The following POT1 variants were observed in gnomAD, a reference collection of about 807,000 sequenced individuals.
POT1 encodes the protein protection of telomeres 1, also known as protection of telomeres protein 1.
Under a neutral mutation model 78.5 loss-of-function variants are expected in POT1, and 47 were observed. The observed-to-expected ratio is 0.60, with a 90% CI of 0.47 to 0.76. POT1 has a LOEUF of 0.76. Ranked by LOEUF, POT1 falls within the 30% of genes least tolerant of loss-of-function variation. The pLI, the probability that POT1 is intolerant of heterozygous loss-of-function variation, is 0.00. For synonymous variants in POT1, 259 were observed against 260.7 expected (o/e 0.99, Z 0.06); for missense variants, 646 against 749.9 (o/e 0.86, Z 1.62).
At chr7:124,866,158 T>A (rs911642384) in intron 7 of POT1, among the ~76,000 whole-genome samples, 1 of 152,164 alleles carries the variant, frequency 6.6e-6, no homozygotes, top group Admixed American at 6.6e-5. Context: ...AAGCCCATGA[T>A]GTTTCCCAAA....
intron 7 of POT1, among the ~76,000 whole-genome samples, chr7:124,868,022 A>G (rs1381480004): frequency 6.6e-6 from 1 of 152,206 alleles, no homozygotes; most frequent in Non-Finnish European, 1.5e-5. Flanking sequence ...CTTTGCATTA[A>G]AACAGATGCC....
At chr7:124,835,513 G>C in intron 14 of POT1, 99 bp from the exon 15 acceptor site, 1 of 1,266,496 alleles carries the variant, frequency 7.9e-7, no homozygotes. Context: ...AAGACTAAAG[G>C]AATTGACAGA....
intron 15 of POT1, among the ~76,000 whole-genome samples, chr7:124,832,898 G>A (rs1378659291): frequency 6.6e-6 from 1 of 151,676 alleles, no homozygotes; most frequent in Non-Finnish European, 1.5e-5. Flanking sequence ...GTATTTCAGA[G>A]TTTAAAATGA....
intron 2 of POT1, among the ~76,000 whole-genome samples, chr7:124,919,090 A>G (rs1381022775): frequency 6.6e-6 from 1 of 152,192 alleles, no homozygotes; most frequent in African/African-American, 2.4e-5. Context: ...CCTACTATAC[A>G]CCGAGGCTAT....
At chr7:124,828,613 C>T (rs573630772) in intron 16 of POT1, among the ~76,000 whole-genome samples, 1 of 152,166 alleles carries the variant, frequency 6.6e-6, no homozygotes, top group South Asian at 2.1e-4. Context: ...GAAAGATGAA[C>T]TTAGCACCTA....
At chr7:124,840,800 G>T in intron 14 of POT1, 173 bp downstream of exon 14, 1 of 462,008 alleles carries the variant, frequency 2.2e-6, no homozygotes, top group Non-Finnish European at 3.8e-6. Context: ...ATTTATGAAC[G>T]TGTGCTTATA....
At chr7:124,901,989 A>G (rs1315212708) in intron 3 of POT1, among the ~76,000 whole-genome samples, 1 of 152,182 alleles carries the variant, frequency 6.6e-6, no homozygotes, top group African/African-American at 2.4e-5. Context: ...AAGAGTAAAA[A>G]GAAATGAACA....
At chr7:124,854,796 TA>T (rs1795403265) in intron 9 of POT1, among the ~76,000 whole-genome samples, 1 of 151,790 alleles carries the variant, frequency 6.6e-6, no homozygotes, top group Non-Finnish European at 1.5e-5. Flanking sequence ...GGAAAAAACA[TA>T]AAATTTTCTA....
At chr7:124,883,002 G>C (rs1440394167) in intron 6 of POT1, among the ~76,000 whole-genome samples, 2 of 151,998 alleles carry the variant, frequency 1.3e-5, no homozygotes, top group Non-Finnish European at 2.9e-5. Context: ...GTATAAGTAA[G>C]CTGAAGAGGG....
intron 6 of POT1, among the ~76,000 whole-genome samples, chr7:124,888,352 T>C (rs917253387): frequency 6.6e-6 from 1 of 152,148 alleles, no homozygotes; most frequent in African/African-American, 2.4e-5. Flanking sequence ...AGTACCATAC[T>C]GTCGCAATAC....
intron 6 of POT1, among the ~76,000 whole-genome samples, chr7:124,882,238 C>T: frequency 6.6e-6 from 1 of 151,996 alleles, no homozygotes; most frequent in African/African-American, 2.4e-5. Flanking sequence ...TCTACTAAAA[C>T]ACTGCTGTTT....
rs1562993530 is a variant in POT1, at chr7:124,863,643, AAG to A, written c.256-5_256-4del. On this transcript the variant is annotated splice_polypyrimidine_tract_variant and splice_region_variant and intron_variant, in intron 7 of 18. Transcript: ENST00000357628. ...GTCTCCTTTTTATATACTTGAATCT[AAG>A]AAAGTAGGGCAAAGTAGAAAACAGA... The A allele has an allele frequency of 6.2e-7, 1 of 1,602,962 alleles. No homozygotes were observed. Among genetic ancestry groups the A allele is most frequent in the East Asian group, 2.2e-5 (1 of 44,844 alleles).
chr7:124,906,604 G>A lies in POT1; in HGVS notation c.-153-8230C>T, dbSNP rs574660330. 1.8e-4 allele frequency among the ~76,000 whole-genome samples: 28 copies of A among 151,532 alleles called. No individual in the cohort carries two copies. The South Asian group carries it at 4.0e-3, about 22-fold the overall frequency. Reference sequence around the variant, plus strand: ...GTATACATATGTAACAAAACTGCACGGTGTGCACATGTACCCTAGAACTTA... The same window carrying A: ...GTATACATATGTAACAAAACTGCACAGTGTGCACATGTACCCTAGAACTTA... On this transcript the variant is annotated intron_variant, in intron 3 of 18. Transcript: ENST00000357628.
chr7:124,829,371 ATATT>A (rs1435772583), intron 15 of POT1, 29 bp from the exon 16 acceptor site: 2 of 1,352,930 alleles, frequency 1.5e-6, no homozygotes, highest in Non-Finnish European at 2.1e-6. Flanking sequence ...AGAACCATAA[ATATT>A]TAAAAATAAT....
chr7:124,846,630 T>G (rs1355668704), intron 12 of POT1, among the ~76,000 whole-genome samples: 1 of 148,986 alleles, frequency 6.7e-6, no homozygotes, highest in East Asian at 2.0e-4. Flanking sequence ...ACATTTTAAG[T>G]CATGTAACTC....
chr7:124,885,044 T>C (rs1796210470), intron 6 of POT1, among the ~76,000 whole-genome samples: 1 of 152,006 alleles, frequency 6.6e-6, no homozygotes. Context: ...AAAGCAAAAG[T>C]ATAGGTAAGG....
At chr7:124,870,008 G>A (rs941200001) in intron 7 of POT1, among the ~76,000 whole-genome samples, 2 of 152,048 alleles carry the variant, frequency 1.3e-5, no homozygotes, top group African/African-American at 2.4e-5. Flanking sequence ...CACTGTCCTC[G>A]TTTATGAGCA....
In POT1 at chr7:124,849,149, T is replaced by A. The variant is rs141587997; in HGVS notation, c.950-2151A>T. Among the ~76,000 whole-genome samples the A allele has an allele frequency of 2.3e-3, 352 of 152,232 alleles. 1 individual carries two copies. The highest frequency in any genetic ancestry group is 6.8e-3 in the Middle Eastern group (2 of 294). ...TATAAAAATCCAAGTCAAGAGGACT[T>A]GAATGGACATCTCAAGCTGGCATGG... On this transcript the variant is annotated intron_variant, in intron 11 of 18. Transcript: ENST00000357628.
chr7:124,856,401 T>C lies in POT1; in HGVS notation c.702+2556A>G, dbSNP rs552469026. 5.3e-5 allele frequency among the ~76,000 whole-genome samples: 8 copies of C among 152,164 alleles called. 1 individual carries two copies. In the South Asian group the frequency reaches 1.7e-3, roughly 32 times the overall value. ...ATTTTCATATTGCATTGCAGACAAA[T>C]AATATAATGCTATTGATATCTTCAC... is the stretch of plus-strand genomic sequence containing the variant. On this transcript the variant is annotated intron_variant, in intron 9 of 18. Transcript: ENST00000357628.
Sources: allele counts gnomAD v4.1 joint callset (sites outside exome capture counted in the v4.1 genomes callset), GRCh38; gene constraint gnomAD v4.1.1; transcripts MANE v1.5; gene names NCBI Gene and HGNC (gene_info 2026-07-23, HGNC 2026-07-21).